PTPRF: variants seen among roughly 807,000 people sequenced by gnomAD.
PTPRF encodes receptor-type tyrosine-protein phosphatase F.
PTPRF carries 59 observed loss-of-function variants against 201.8 expected under a neutral mutation model. The observed-to-expected ratio is 0.29, with a 90% confidence interval of 0.24 to 0.36. The LOEUF (loss-of-function observed/expected upper bound fraction) is 0.36, where lower values mean the gene tolerates loss of function less well. Among genes scored for constraint, PTPRF ranks in the 10% least tolerant of loss-of-function variants. The pLI is 1.00. For synonymous variants in PTPRF, 1,088 were observed against 1,089.7 expected (o/e 1.00, Z 0.03); for missense variants, 2,132 against 2,690.5 (o/e 0.79, Z 4.59).
chr1:43,603,387 A>T lies in PTPRF; in HGVS notation c.2341-29A>T, dbSNP rs760084308. On this transcript the variant is annotated intron_variant, in intron 14 of 33. Coordinates refer to ENST00000359947, the MANE Select transcript of PTPRF (RefSeq NM_002840.5). This position sits in a 1 kb window ranked among gnomAD's most constrained non-coding sequence, Gnocchi z 5.8. ...TCTGGCCTCTCCCTGCATTCTTGTG[A>T]TGGGAACGAACCCCTCCTCCTCCCT... The T allele has an allele frequency of 1.3e-6, 2 of 1,595,550 alleles. No homozygotes were observed. Among genetic ancestry groups the T allele is most frequent in the South Asian group, 2.2e-5 (2 of 90,648 alleles).
At chr1:43,599,041 G>C (rs1334291187) in intron 13 of PTPRF, 128 bp downstream of exon 13, 2 of 1,016,800 alleles carry the variant, frequency 2.0e-6, no homozygotes, top group African/African-American at 1.6e-5. Flanking sequence ...GCCTTTCCTT[G>C]GTTGTGAGAC....
chr1:43,543,614 C>A (rs1644483402), intron 2 of PTPRF, among the ~76,000 whole-genome samples: 1 of 152,232 alleles, frequency 6.6e-6, no homozygotes, highest in Non-Finnish European at 1.5e-5. Context: ...CTGCTGCCTT[C>A]TGACCTCATG....
chr1:43,605,462 G>A lies in PTPRF; in HGVS notation c.3389+19G>A, dbSNP rs751655419. ...TTGTCAGGTGTGCACACGAGGTATC[G>A]GGGGAGGCGGGGCAGGGCTGGAGGT... On this transcript the variant is annotated intron_variant, in intron 18 of 33. Coordinates refer to ENST00000359947, the MANE Select transcript of PTPRF (RefSeq NM_002840.5). 2.1e-5 allele frequency: 34 copies of A among 1,610,224 alleles called. 1 individual carries two copies. Among genetic ancestry groups the A allele is most frequent in the Middle Eastern group, 3.3e-4 (2 of 6,064 alleles).
At chr1:43,614,406 T>C (rs1358274088) in intron 23 of PTPRF, among the ~76,000 whole-genome samples, 1 of 152,186 alleles carries the variant, frequency 6.6e-6, no homozygotes, top group East Asian at 1.9e-4. Flanking sequence ...CACGTTCATC[T>C]TGTTCTGGAC....
At chr1:43,602,886 A>G (rs761561821) in intron 14 of PTPRF, among the ~76,000 whole-genome samples, 2 of 152,250 alleles carry the variant, frequency 1.3e-5, no homozygotes, top group Non-Finnish European at 2.9e-5. Context: ...GGGTATAGAC[A>G]TTCACAGAGT....
In PTPRF at chr1:43,605,393, C is replaced by T. The variant is rs148630488; in HGVS notation, c.3339C>T (p.Asp1113=). The change falls in exon 18 of 34, where the codon GAC becomes GAT. Residue 1113 remains aspartate, a synonymous_variant. Coordinates refer to ENST00000359947, the MANE Select transcript of PTPRF (RefSeq NM_002840.5). ...TGCCTGCCTCTGCCTACATAGAGGA[C>T]GGCCGCTTCGATCTCTCCATGCCCC... ...KPLPASAYIE[D]GRFDLSMPHV... is the part of the protein sequence containing the mutation. The T allele has an allele frequency of 6.3e-5, 101 of 1,613,682 alleles. No individual in the cohort carries two copies. Among genetic ancestry groups the T allele is most frequent in the African/African-American group, 8.0e-5 (6 of 75,060 alleles).
chr1:43,614,147 C>T (rs1657159073), intron 23 of PTPRF, among the ~76,000 whole-genome samples: 1 of 152,240 alleles, frequency 6.6e-6, no homozygotes, highest in Non-Finnish European at 1.5e-5. Context: ...CCCCCACAGT[C>T]TTCAGAAATG....
intron 6 of PTPRF, among the ~76,000 whole-genome samples, chr1:43,572,333 T>A (rs146124389): frequency 3.3e-5 from 5 of 152,362 alleles, no homozygotes; most frequent in Non-Finnish European, 5.9e-5. Context: ...ATATCTGCTC[T>A]AATGTTCACT....
chr1:43,594,277 T>A (rs75437488), intron 11 of PTPRF, among the ~76,000 whole-genome samples: 8 of 68 alleles, frequency 0.12, no homozygotes, highest in South Asian at 0.17. Flanking sequence ...TGGGAAAGTG[T>A]CACCTCCCCA....
Position 43,609,363 on chromosome 1 carries a change from C to A in PTPRF, c.3858-20C>A. 2 of 1,604,630 alleles carry A rather than the reference C, an allele frequency of 1.2e-6. No homozygotes were observed. The highest frequency in any genetic ancestry group is 8.5e-7 in the Non-Finnish European group (1 of 1,171,954). On this transcript the variant is annotated intron_variant, in intron 21 of 33. Coordinates refer to ENST00000359947, the MANE Select transcript of PTPRF (RefSeq NM_002840.5). ...AGCCTGGACCTCAGGTTCTCACCAG[C>A]CTCCCTTCTGTCTCTCTAGGAAAAG...
chr1:43,597,556 GAGGCAGGTCA>G (rs781667719), intron 11 of PTPRF, among the ~76,000 whole-genome samples, 182 bp from the exon 12 acceptor site: 19 of 152,148 alleles, frequency 1.2e-4, no homozygotes, highest in Non-Finnish European at 2.6e-4. Flanking sequence ...GAGAGAGAGG[GAGGCAGGTCA>G]GAGGGAGTCA....
chr1:43,588,847 A>T lies in PTPRF; in HGVS notation c.796A>T (p.Met266Leu). The stretch of plus-strand genomic sequence containing the variant: ...TGCACCCATGCCCTACGTGAAGTGG[A>T]TGATGGGGGCCGAGGAGCTCACCAA... ...VGAPMPYVKWMMGAEELTKED... is the reference protein window; with the variant it reads ...VGAPMPYVKWLMGAEELTKED... The change falls in exon 8 of 34, where the codon ATG (methionine) becomes TTG (leucine). Residue 266 changes from methionine (M) to leucine (L), a missense_variant. Physicochemically the swap from Met to Leu is conservative, Grantham distance 15. This residue lies in a region of PTPRF where 297 missense variants were observed against 454.0 expected (regional missense o/e 0.65). Coordinates refer to ENST00000359947, the MANE Select transcript of PTPRF (RefSeq NM_002840.5). This position sits in a 1 kb window ranked among gnomAD's most constrained non-coding sequence, Gnocchi z 5.3. 1 of 1,614,112 alleles carries T rather than the reference A, an allele frequency of 6.2e-7. No homozygotes were observed. The highest frequency in any genetic ancestry group is 1.1e-5 in the South Asian group (1 of 91,086).
chr1:43,552,390 G>A (rs1645093834), intron 3 of PTPRF, among the ~76,000 whole-genome samples: 1 of 152,222 alleles, frequency 6.6e-6, no homozygotes. Context: ...TCTTGGACAA[G>A]TGACTTGACC....
intron 6 of PTPRF, among the ~76,000 whole-genome samples, chr1:43,576,363 C>T (rs1372798254): frequency 6.6e-6 from 1 of 152,228 alleles, no homozygotes; most frequent in Non-Finnish European, 1.5e-5. Context: ...CTTGACTTTC[C>T]CTTTAGTATC....
chr1:43,604,207 G>A lies in PTPRF; in HGVS notation c.3037+18G>A. The A allele has an allele frequency of 6.2e-7, 1 of 1,607,808 alleles. No homozygotes were observed. Among genetic ancestry groups the A allele is most frequent in the Non-Finnish European group, 8.5e-7 (1 of 1,175,892 alleles). On this transcript the variant is annotated intron_variant, in intron 16 of 33. Transcript: ENST00000359947. The stretch of plus-strand genomic sequence containing the variant: ...GGAGCAAGGTGTGTGCTGTGGACAT[G>A]GCATCCCTTCCCGAGTGTGGCTGCA...
At chr1:43,610,913 A>G (rs984259232) in intron 22 of PTPRF, among the ~76,000 whole-genome samples, 1 of 152,216 alleles carries the variant, frequency 6.6e-6, no homozygotes, top group Non-Finnish European at 1.5e-5. Context: ...ACACCCATTT[A>G]TTTATATGCT....
chr1:43,595,745 G>A (rs192968346), intron 11 of PTPRF, among the ~76,000 whole-genome samples: 1 of 152,080 alleles, frequency 6.6e-6, no homozygotes, highest in Admixed American at 6.6e-5. Context: ...ATGCAAGTAC[G>A]GTGGGGGGGT....
intron 5 of PTPRF, among the ~76,000 whole-genome samples, chr1:43,562,076 C>T (rs1414869359): frequency 1.3e-5 from 2 of 152,128 alleles, no homozygotes; most frequent in African/African-American, 4.8e-5. Flanking sequence ...TGGTAAGGTG[C>T]TCCCTCCTAC....
chr1:43,620,825 C>G lies in PTPRF; in HGVS notation c.5365-13C>G. 2 of 1,606,006 alleles carry G rather than the reference C, an allele frequency of 1.2e-6. No individual in the cohort carries two copies. Among genetic ancestry groups the G allele is most frequent in the Non-Finnish European group, 1.7e-6 (2 of 1,175,588 alleles). ...CACGAATTCTAATCATGTACCCCAC[C>G]CACCTTTCCCAGGATGGGCAGTCAA... On this transcript the variant is annotated splice_polypyrimidine_tract_variant and intron_variant, in intron 31 of 33. Transcript: ENST00000359947.
Sources: allele counts gnomAD v4.1 joint callset (sites outside exome capture counted in the v4.1 genomes callset), GRCh38; gene constraint gnomAD v4.1.1; regional missense constraint gnomAD v4.1.1; non-coding constraint Gnocchi (gnomAD v3.1); transcripts MANE v1.5; gene names NCBI Gene and HGNC (gene_info 2026-07-23, HGNC 2026-07-21).